The following TMEM132B variants were observed in gnomAD, a reference collection of about 807,000 sequenced individuals.
TMEM132B encodes the protein transmembrane protein 132B.
TMEM132B carries 18 observed loss-of-function variants against 90.8 expected under a neutral mutation model. That is an observed-to-expected ratio of 0.20 (90% CI 0.14 to 0.29). The LOEUF (loss-of-function observed/expected upper bound fraction) is 0.29. Among genes scored for constraint, TMEM132B ranks in the 10% least tolerant of loss-of-function variants. The pLI, the probability that TMEM132B is intolerant of heterozygous loss-of-function variation, is 1.00. For synonymous variants in TMEM132B, 504 were observed against 523.3 expected (o/e 0.96, Z 0.50); for missense variants, 1,096 against 1,326.8 (o/e 0.83, Z 2.70).
intron 5 of TMEM132B, among the ~76,000 whole-genome samples, chr12:125,598,965 C>T (rs1016627290): frequency 1.5e-4 from 23 of 152,190 alleles, no homozygotes; most frequent in African/African-American, 5.3e-4. Flanking sequence ...TTCCTTCTTG[C>T]AGACCAGCTT....
intron 1 of TMEM132B, among the ~76,000 whole-genome samples, chr12:125,314,975 G>A (rs1033696426): frequency 3.3e-5 from 5 of 152,136 alleles, no homozygotes; most frequent in African/African-American, 9.7e-5. Flanking sequence ...AGTTGGGGCT[G>A]GTTAACTGTC....
At position 125,265,324 on chromosome 12, in the gene TMEM132B, TAC is replaced by T; in HGVS notation, c.67+78460_67+78461del. Among the ~76,000 whole-genome samples the T allele has an allele frequency of 1.3e-5, 2 of 148,204 alleles. 1 individual carries two copies. Among genetic ancestry groups the T allele is most frequent in the Non-Finnish European group, 2.9e-5 (2 of 68,014 alleles). On this transcript the variant is annotated intron_variant, in intron 1 of 8. Coordinates refer to ENST00000682704, the MANE Select transcript of TMEM132B (RefSeq NM_001366854.1). The stretch of plus-strand genomic sequence containing the variant: ...TTATATAGGCTGTTTTTTCTATACA[TAC>T]ATACCTATGATAAAGCTCAATTTAT...
At chr12:125,644,621 A>G (rs1462227111) in intron 6 of TMEM132B, among the ~76,000 whole-genome samples, 1 of 152,044 alleles carries the variant, frequency 6.6e-6, no homozygotes, top group African/African-American at 2.4e-5. Flanking sequence ...TTTATTGTTC[A>G]TTCCTATGTT....
At chr12:125,512,635 C>T (rs1787788779) in intron 3 of TMEM132B, among the ~76,000 whole-genome samples, 1 of 152,190 alleles carries the variant, frequency 6.6e-6, no homozygotes, top group East Asian at 1.9e-4. Flanking sequence ...AAAGATAAGT[C>T]CCTGATTTAG....
At chr12:125,248,055 A>G (rs1193651745) in intron 1 of TMEM132B, among the ~76,000 whole-genome samples, 1 of 152,176 alleles carries the variant, frequency 6.6e-6, no homozygotes, top group African/African-American at 2.4e-5. Context: ...TTTACATAAA[A>G]TCACAGCCAC....
intron 1 of TMEM132B, among the ~76,000 whole-genome samples, chr12:125,329,078 C>T (rs1347782643): frequency 6.6e-6 from 1 of 152,088 alleles, no homozygotes; most frequent in Non-Finnish European, 1.5e-5. Flanking sequence ...GGAGGTGGAG[C>T]CCTCGAGGGG....
At chr12:125,646,896 A>G (rs1319384732) in intron 6 of TMEM132B, among the ~76,000 whole-genome samples, 1 of 152,230 alleles carries the variant, frequency 6.6e-6, no homozygotes, top group African/African-American at 2.4e-5. Flanking sequence ...AGATGTTAGA[A>G]TATCTGACAA....
chr12:125,589,099 G>A (rs187734703), intron 5 of TMEM132B, among the ~76,000 whole-genome samples: 1 of 152,168 alleles, frequency 6.6e-6, no homozygotes, highest in African/African-American at 2.4e-5. Flanking sequence ...TTGACATATT[G>A]AAATATCCAA....
intron 4 of TMEM132B, among the ~76,000 whole-genome samples, chr12:125,582,854 G>T (rs530512287): frequency 4.2e-4 from 64 of 151,400 alleles, no homozygotes; most frequent in African/African-American, 1.4e-3. Flanking sequence ...AGGTACAGGG[G>T]AAGTACCCTG....
chr12:125,191,411 G>A (rs182315734), intron 1 of TMEM132B, among the ~76,000 whole-genome samples: 1 of 152,234 alleles, frequency 6.6e-6, no homozygotes, highest in East Asian at 1.9e-4. Context: ...GAGATGCTAA[G>A]TAACTTGGCT....
chr12:125,582,512 C>A (rs1398246648), intron 4 of TMEM132B, among the ~76,000 whole-genome samples: 1 of 152,006 alleles, frequency 6.6e-6, no homozygotes. Flanking sequence ...TCTAGTGAGG[C>A]CAATTATGGA....
intron 5 of TMEM132B, among the ~76,000 whole-genome samples, chr12:125,599,950 C>T (rs559542928): frequency 1.3e-5 from 2 of 152,246 alleles, no homozygotes; most frequent in Admixed American, 1.3e-4. Flanking sequence ...GCACAGCTCT[C>T]TGGCAGAGGT....
intron 3 of TMEM132B, among the ~76,000 whole-genome samples, chr12:125,453,084 C>G (rs200771745): frequency 0.12 from 16,015 of 132,754 alleles, 995 homozygotes; most frequent in East Asian, 0.23. Flanking sequence ...AAAACACACA[C>G]ACACACACAC....
chr12:125,554,357 G>A (rs1321451811), intron 4 of TMEM132B, among the ~76,000 whole-genome samples: 1 of 149,192 alleles, frequency 6.7e-6, no homozygotes, highest in Non-Finnish European at 1.5e-5. Flanking sequence ...TCTGGGAGGT[G>A]GAGCTTACAG....
In TMEM132B at chr12:125,415,521, C is replaced by T. The variant is rs751359048; in HGVS notation, c.960-10C>T. 5 of 1,613,530 alleles carry T rather than the reference C, an allele frequency of 3.1e-6. No homozygotes were observed. The highest frequency in any genetic ancestry group is 2.7e-5 in the African/African-American group (2 of 74,872). On this transcript the variant is annotated splice_polypyrimidine_tract_variant and intron_variant, in intron 2 of 8. Coordinates refer to ENST00000682704, the MANE Select transcript of TMEM132B (RefSeq NM_001366854.1). This position sits in a 1 kb window ranked among gnomAD's most constrained non-coding sequence, Gnocchi z 5.3. ...ATTATATATAATATCATTGTTTTCC[C>T]ACCCCACAGAATTAAGGCGGCAGCA...
At chr12:125,332,859 A>G (rs1440521352) in intron 1 of TMEM132B, among the ~76,000 whole-genome samples, 1 of 151,896 alleles carries the variant, frequency 6.6e-6, no homozygotes, top group African/African-American at 2.4e-5. Flanking sequence ...TTAAAAAACA[A>G]AAAACCAAAA....
intron 3 of TMEM132B, among the ~76,000 whole-genome samples, chr12:125,438,263 A>C (rs1880758300): frequency 6.6e-6 from 1 of 152,172 alleles, no homozygotes; most frequent in South Asian, 2.1e-4. Flanking sequence ...AGGTTTTTGG[A>C]GATTGGCAAC....
chr12:125,234,530 G>A (rs11058096), intron 1 of TMEM132B, among the ~76,000 whole-genome samples: 5,534 of 152,222 alleles, frequency 0.036, 115 homozygotes, highest in Non-Finnish European at 0.041. Context: ...CCCACCTGCC[G>A]AGTCAAGTGG....
chr12:125,341,255 C>G (rs1357780340), intron 1 of TMEM132B, among the ~76,000 whole-genome samples: 1 of 152,180 alleles, frequency 6.6e-6, no homozygotes, highest in Non-Finnish European at 1.5e-5. Flanking sequence ...CATAACTGCT[C>G]TGTGCCTCAG....
Sources: allele counts gnomAD v4.1 joint callset (sites outside exome capture counted in the v4.1 genomes callset), GRCh38; gene constraint gnomAD v4.1.1; non-coding constraint Gnocchi (gnomAD v3.1); transcripts MANE v1.5; gene names NCBI Gene and HGNC (gene_info 2026-07-23, HGNC 2026-07-21).